LBHD1: variants seen among roughly 807,000 people sequenced by gnomAD.
LBHD1 encodes LBH domain-containing protein 1.
LBHD1 carries 28 observed loss-of-function variants against 31.1 expected under a neutral mutation model. The observed-to-expected ratio is 0.90, with a 90% CI of 0.67 to 1.24. The LOEUF is 1.24. Ranked by LOEUF, LBHD1 falls within the 50% of genes most tolerant of loss-of-function variation. The probability of loss-of-function intolerance (pLI) is 0.00; values close to 1 mark genes in which losing one functional copy is unlikely to be tolerated. For synonymous variants in LBHD1, 105 were observed against 116.5 expected (o/e 0.90, Z 0.63); for missense variants, 350 against 323.0 (o/e 1.08, Z -0.64).
chr11:62,666,238 A>T, intron 4 of LBHD1: 2 of 805,598 alleles, frequency 2.5e-6, no homozygotes, highest in Middle Eastern at 2.5e-4. Flanking sequence ...CAGGAGGCTG[A>T]GGTGGAGGCT....
intron 4 of LBHD1, chr11:62,665,588 C>T: frequency 7.7e-6 from 12 of 1,567,192 alleles, no homozygotes; most frequent in South Asian, 1.1e-5. Flanking sequence ...CGGAGAAGGA[C>T]AACCGAGATC....
intron 5 of LBHD1, 22 bp from the exon 6 acceptor site, chr11:62,663,355 A>T (rs781586917): frequency 6.2e-7 from 1 of 1,610,878 alleles, no homozygotes; most frequent in South Asian, 1.1e-5. Flanking sequence ...GTGGAAATAA[A>T]GAGAGCTAGG....
intron 4 of LBHD1, chr11:62,665,330 C>CTAG: frequency 1.3e-6 from 1 of 744,554 alleles, no homozygotes. Context: ...GGGTGGTGAG[C>CTAG]TAGTAAGTGT....
chr11:62,670,473 G>A (rs368402904), intron 1 of LBHD1: 23 of 162,272 alleles, frequency 1.4e-4, no homozygotes, highest in East Asian at 1.3e-3. Flanking sequence ...AAGTACTGTT[G>A]TTATAAGCTT....
rs1044977318 is a variant in LBHD1 at position 62,671,397 on chromosome 11, C to T, written c.-11+167G>A. On this transcript the variant is annotated intron_variant, in intron 1 of 6. Transcript: ENST00000354588. ...GAGCACAGCTCGGGCCTCTACTGAT[C>T]GGGAAACGTCGGAAGACAGAAAAAT... 7 of 1,260,886 alleles carry T rather than the reference C, an allele frequency of 5.6e-6. No homozygotes were observed. The South Asian group carries it at 7.9e-5, about 14-fold the overall frequency. 78.1% of individuals were successfully genotyped at this position (1,260,886 alleles called of 1,614,324 possible).
Position 62,671,545 on chromosome 11 carries a change from T to C in LBHD1, c.-11+19A>G, listed in dbSNP as rs1590855066. On this transcript the variant is annotated intron_variant, in intron 1 of 6. Coordinates refer to ENST00000354588, the MANE Select transcript of LBHD1 (RefSeq NM_024099.5). The stretch of plus-strand genomic sequence containing the variant: ...TTGGTGCCAGCACTTCTTGGACACC[T>C]CAACCCCCTCAGCTAAACCTGAGAT... 9 of 1,422,052 alleles carry C rather than the reference T, an allele frequency of 6.3e-6. No individual in the cohort carries two copies. Among genetic ancestry groups the C allele is most frequent in the Non-Finnish European group, 8.3e-6 (9 of 1,090,142 alleles). 88.1% of individuals were successfully genotyped at this position (1,422,052 alleles called of 1,614,324 possible).
chr11:62,671,078 C>G, intron 1 of LBHD1: 1 of 333,262 alleles, frequency 3.0e-6, no homozygotes, highest in South Asian at 2.4e-5. Flanking sequence ...CAGCCCTGGG[C>G]GACAGAGCGA....
intron 4 of LBHD1, chr11:62,665,220 T>C (rs1944763143): frequency 2.6e-6 from 2 of 774,538 alleles, no homozygotes; most frequent in African/African-American, 3.4e-5. Context: ...CAGCGCCGGA[T>C]CCGCGGGGCT....
chr11:62,666,597 G>C lies in LBHD1; in HGVS notation c.538+926C>G, dbSNP rs758550021. On this transcript the variant is annotated intron_variant, in intron 4 of 6. Coordinates refer to ENST00000354588, the MANE Select transcript of LBHD1 (RefSeq NM_024099.5). The stretch of plus-strand genomic sequence containing the variant: ...GTGGGCTGTGGGACTTCCAGCCTAT[G>C]TACAGGCCTCTACACCAAATCTCCA... 14 of 1,614,166 alleles carry C rather than the reference G, an allele frequency of 8.7e-6. No homozygotes were observed. In the Admixed American group the frequency reaches 1.2e-4, roughly 13 times the overall value.
rs1309031634 is a variant in LBHD1 at position 62,666,185 on chromosome 11, A to C, written c.539-1212T>G. The C allele has an allele frequency of 1.1e-5, 8 of 716,752 alleles. No homozygotes were observed. The Admixed American group carries it at 2.2e-4, about 20-fold the overall frequency. The allele number at this position is 716,752 out of a possible 1,614,324, so 44.4% of individuals were successfully genotyped here. A position where few individuals can be genotyped will look rare whatever the true frequency, so the allele number is the denominator to read the frequency against. On this transcript the variant is annotated intron_variant, in intron 4 of 6. Transcript: ENST00000354588. ...CAACATAGCGAGACCCTGTCTACAA[A>C]AAAAATTAACCGGGCACGATGGCGC...
intron 4 of LBHD1, chr11:62,666,336 T>C: frequency 6.5e-7 from 1 of 1,545,852 alleles, no homozygotes; most frequent in South Asian, 1.1e-5. Context: ...CCAGTGTGTA[T>C]ATACGACGTT....
chr11:62,669,527 G>A (rs1280549555), intron 3 of LBHD1, 114 bp downstream of exon 3: 2 of 1,511,980 alleles, frequency 1.3e-6, no homozygotes, highest in Non-Finnish European at 8.8e-7. Flanking sequence ...CATTTATTGA[G>A]CACCTGCTGT....
At chr11:62,667,900 C>CAA in intron 3 of LBHD1, 153 bp from the exon 4 acceptor site, 1 of 608,580 alleles carries the variant, frequency 1.6e-6, no homozygotes, top group Non-Finnish European at 2.9e-6. Context: ...AGTGACACCC[C>CAA]TAACTCTACA....
In LBHD1 at chr11:62,671,579, TC is replaced by T; in HGVS notation, c.-27del. The T allele has an allele frequency of 6.9e-7, 1 of 1,457,626 alleles. No homozygotes were observed. Among genetic ancestry groups the T allele is most frequent in the East Asian group, 2.4e-5 (1 of 41,174 alleles). The allele number at this position is 1,457,626 out of a possible 1,614,324, so 90.3% of individuals were successfully genotyped here. On this transcript the variant is annotated 5_prime_UTR_variant, in exon 1 of 7. Coordinates refer to ENST00000354588, the MANE Select transcript of LBHD1 (RefSeq NM_024099.5). ...TCAGCTAAACCTGAGATCCAAGCGC[TC>T]CGGATTCCAAACGTTTCCTCGAGCA...
Position 62,662,968 on chromosome 11 carries a change from G to T in LBHD1, c.*161C>A. 2 of 1,066,360 alleles carry T rather than the reference G, an allele frequency of 1.9e-6. No individual in the cohort carries two copies. Among genetic ancestry groups the T allele is most frequent in the Admixed American group, 2.4e-5 (1 of 42,132 alleles). The allele number at this position is 1,066,360 out of a possible 1,614,324, so 66.1% of individuals were successfully genotyped here. A position where few individuals can be genotyped will look rare whatever the true frequency, so the allele number is the denominator to read the frequency against. On this transcript the variant is annotated 3_prime_UTR_variant, in exon 7 of 7. Transcript: ENST00000354588. ...GAGGAAATCTGGAGAGTGAAAAGGG[G>T]CCTTGCTTTTGTCAAAGTCCTCTGA...
intron 4 of LBHD1, chr11:62,665,734 C>G: frequency 6.8e-7 from 1 of 1,467,034 alleles, no homozygotes; most frequent in Non-Finnish European, 9.0e-7. Flanking sequence ...GTTCTTTTTT[C>G]CGGGACTGCA....
Position 62,663,036 on chromosome 11 carries a change from C to G in LBHD1, c.*93G>C. The G allele has an allele frequency of 6.5e-7, 1 of 1,550,294 alleles. No homozygotes were observed. Among genetic ancestry groups the G allele is most frequent in the Non-Finnish European group, 8.9e-7 (1 of 1,128,402 alleles). ...AAGGCTGGCTCCAGTTGAGAATCTT[C>G]TAGTGGAAGAGGTTTAGCTCTCATC... On this transcript the variant is annotated 3_prime_UTR_variant, in exon 7 of 7. Transcript: ENST00000354588.
intron 4 of LBHD1, chr11:62,665,605 G>T: frequency 6.4e-7 from 1 of 1,565,608 alleles, no homozygotes; most frequent in Non-Finnish European, 8.6e-7. Context: ...GATCCAGCTG[G>T]CTCCTCCATC....
chr11:62,666,413 T>C (rs1157020215), intron 4 of LBHD1: 2 of 1,610,684 alleles, frequency 1.2e-6, no homozygotes, highest in South Asian at 1.1e-5. Context: ...GGCTGATAGT[T>C]GCCTGGCGGA....
Sources: allele counts gnomAD v4.1 joint callset, GRCh38; gene constraint gnomAD v4.1.1; transcripts MANE v1.5; gene names NCBI Gene and HGNC (gene_info 2026-07-23, HGNC 2026-07-21).